Variants in XKR9 observed in about 807,000 individuals in gnomAD.
XKR9 encodes XK related 9.
XKR9 carries 32 observed loss-of-function variants against 32.0 expected under a neutral mutation model. The ratio of observed to expected loss-of-function variants is 1.00; its 90% CI spans 0.76 to 1.34. The LOEUF is 1.34. XKR9 is among the 40% of genes most tolerant of loss of function. XKR9 has a pLI of 0.00. For missense variants in XKR9, 546 were observed against 429.7 expected (o/e 1.27, Z -2.39); for synonymous variants, 168 against 143.4 (o/e 1.17, Z -1.22).
chr8:70,774,981 A>G (rs1807499911), intron 2 of XKR9, among the ~76,000 whole-genome samples: 1 of 152,034 alleles, frequency 6.6e-6, no homozygotes, highest in African/African-American at 2.4e-5. Context: ...GAGTTTCCCA[A>G]TATCTTTCAT....
chr8:70,793,361 G>A (rs1346242684), downstream of XKR9, among the ~76,000 whole-genome samples: 1 of 151,968 alleles, frequency 6.6e-6, no homozygotes, highest in Non-Finnish European at 1.5e-5. Context: ...ATTAATCAAT[G>A]GATTAATGGA....
the XKR9 span, among the ~76,000 whole-genome samples, chr8:71,045,161 A>C: frequency 2.0e-5 from 3 of 152,232 alleles, no homozygotes; most frequent in African/African-American, 7.2e-5. Context: ...AAAGTAATTT[A>C]TCAAGAAGCT....
the XKR9 span, among the ~76,000 whole-genome samples, chr8:70,829,231 C>T: frequency 6.6e-6 from 1 of 152,030 alleles, no homozygotes; most frequent in Non-Finnish European, 1.5e-5. Flanking sequence ...TTTCTTATTT[C>T]GGATAAGAAA....
chr8:71,019,990 C>T, the XKR9 span, among the ~76,000 whole-genome samples: 1 of 152,132 alleles, frequency 6.6e-6, no homozygotes, highest in Non-Finnish European at 1.5e-5. Context: ...ATGATATGTG[C>T]TTAGGAATTT....
chr8:70,775,300 A>G (rs182895796), intron 2 of XKR9, among the ~76,000 whole-genome samples: 1 of 152,216 alleles, frequency 6.6e-6, no homozygotes, highest in East Asian at 1.9e-4. Flanking sequence ...TCCAAGTAGT[A>G]TGATTTTTAT....
the XKR9 span, among the ~76,000 whole-genome samples, chr8:70,808,903 T>A: frequency 2.0e-5 from 3 of 152,194 alleles, no homozygotes; most frequent in African/African-American, 7.2e-5. Flanking sequence ...AGCAGAAACC[T>A]CTGCAGACTT....
the XKR9 span, among the ~76,000 whole-genome samples, chr8:70,879,334 C>T: frequency 6.6e-6 from 1 of 151,598 alleles, no homozygotes; most frequent in Non-Finnish European, 1.5e-5. Context: ...GATAGAGACA[C>T]AAAAATCCCT....
intron 2 of XKR9, among the ~76,000 whole-genome samples, chr8:70,770,070 C>G (rs1212087109): frequency 1.3e-5 from 2 of 152,092 alleles, no homozygotes; most frequent in Non-Finnish European, 2.9e-5. Flanking sequence ...TCCTCCTCAT[C>G]ATGGATTTAT....
At chr8:70,927,857 G>A in the XKR9 span, among the ~76,000 whole-genome samples, 1 of 152,096 alleles carries the variant, frequency 6.6e-6, no homozygotes, top group African/African-American at 2.4e-5. Context: ...GTGTTTCCTG[G>A]CTTAGGTCAT....
chr8:70,842,961 A>G, the XKR9 span, among the ~76,000 whole-genome samples: 1 of 152,232 alleles, frequency 6.6e-6, no homozygotes, highest in Non-Finnish European at 1.5e-5. Flanking sequence ...AAGAAAAAAA[A>G]GAAGAATGGA....
the XKR9 span, among the ~76,000 whole-genome samples, chr8:70,807,857 GAC>G: frequency 6.6e-6 from 1 of 152,046 alleles, no homozygotes; most frequent in Non-Finnish European, 1.5e-5. Flanking sequence ...AGATCAACAA[GAC>G]AGAAAATTAA....
chr8:70,714,545 T>C (rs1411484745), intron 4 of XKR9, among the ~76,000 whole-genome samples: 2 of 152,080 alleles, frequency 1.3e-5, no homozygotes, highest in Admixed American at 1.3e-4. Context: ...TGGAATTTGG[T>C]TTTTATTTAA....
the XKR9 span, among the ~76,000 whole-genome samples, chr8:70,983,013 A>G: frequency 1.3e-5 from 2 of 152,190 alleles, no homozygotes; most frequent in African/African-American, 4.8e-5. Context: ...TTGTTGTTAC[A>G]TCCAAGAGCT....
the XKR9 span, among the ~76,000 whole-genome samples, chr8:70,935,196 CATAT>C: frequency 9.5e-5 from 5 of 52,866 alleles, no homozygotes; most frequent in Non-Finnish European, 9.9e-5. Flanking sequence ...TATATATATA[CATAT>C]ACATATATAC....
At chr8:70,744,851 C>G (rs1807036085) in intron 2 of XKR9, among the ~76,000 whole-genome samples, 2 of 150,282 alleles carry the variant, frequency 1.3e-5, no homozygotes, top group African/African-American at 4.9e-5. Context: ...AGTGATCTAC[C>G]TGCCTCGGCC....
rs193050616 is a variant in XKR9, at chr8:70,734,445, A to G, written c.*21A>G. The G allele has an allele frequency of 0.021, 30,511 of 1,473,854 alleles. 412 individuals are homozygous for G. Among genetic ancestry groups the G allele is most frequent in the Non-Finnish European group, 0.023 (25,822 of 1,123,488 alleles). 91.3% of individuals were successfully genotyped at this position (1,473,854 alleles called of 1,614,324 possible). On this transcript the variant is annotated 3_prime_UTR_variant, in exon 5 of 5. Coordinates refer to ENST00000408926, the MANE Select transcript of XKR9 (RefSeq NM_001011720.2). ...AATAAGCTATTCATTTATGATATATATTTTCTTATATTTTGTTTCATTGGT... is the reference window on the plus strand; with the variant it reads ...AATAAGCTATTCATTTATGATATATGTTTTCTTATATTTTGTTTCATTGGT...
At chr8:70,954,420 C>A in the XKR9 span, among the ~76,000 whole-genome samples, 8 of 152,344 alleles carry the variant, frequency 5.3e-5, no homozygotes, top group South Asian at 1.7e-3. Flanking sequence ...CCTTCTCCAC[C>A]TTGATATCTG....
the XKR9 span, among the ~76,000 whole-genome samples, chr8:70,819,985 A>G: frequency 6.6e-6 from 1 of 152,194 alleles, no homozygotes; most frequent in Non-Finnish European, 1.5e-5. Flanking sequence ...CCCCTTTGGA[A>G]GTACAAACTT....
the XKR9 span, among the ~76,000 whole-genome samples, chr8:70,886,945 C>A: frequency 6.6e-6 from 1 of 152,158 alleles, no homozygotes; most frequent in Admixed American, 6.5e-5. Context: ...GTGTTTTAGT[C>A]ATGAAATCTT....
Sources: gnomAD v4.1 joint callset for allele counts (sites outside exome capture counted in the v4.1 genomes callset) on GRCh38, gnomAD v4.1.1 for gene constraint, MANE v1.5 for transcripts, NCBI Gene and HGNC (gene_info 2026-07-23, HGNC 2026-07-21) for gene names.